The following CLVS1 variants were observed in gnomAD, a reference collection of about 807,000 sequenced individuals.
CLVS1 encodes the protein clavesin 1, also known as clavesin-1.
A neutral mutation model predicts 33.1 loss-of-function variants in CLVS1; 10 were observed. That is an observed-to-expected ratio of 0.30 (90% CI 0.19 to 0.51). CLVS1 has a LOEUF of 0.51. CLVS1 is among the 20% of genes least tolerant of loss of function. The pLI is 0.97. For missense variants in CLVS1, 343 were observed against 433.4 expected (o/e 0.79, Z 1.85); for synonymous variants, 163 against 166.1 (o/e 0.98, Z 0.14).
At chr8:61,340,385 T>C (rs1811989613) in intron 2 of CLVS1, among the ~76,000 whole-genome samples, 1 of 152,222 alleles carries the variant, frequency 6.6e-6, no homozygotes, top group South Asian at 2.1e-4. Flanking sequence ...TTCTACTGTC[T>C]ACTTCTGTGA....
At chr8:61,226,980 G>GTTTTTTTT (rs55718731) in intron 2 of CLVS1, among the ~76,000 whole-genome samples, 16 of 132,308 alleles carry the variant, frequency 1.2e-4, no homozygotes, top group African/African-American at 1.2e-4. Context: ...ACGAAAACAT[G>GTTTTTTTT]TTTTTTTTTT....
At chr8:61,376,069 A>C (rs1667039137) in intron 2 of CLVS1, among the ~76,000 whole-genome samples, 1 of 152,256 alleles carries the variant, frequency 6.6e-6, no homozygotes, top group African/African-American at 2.4e-5. Flanking sequence ...CCAAGAGTTG[A>C]AGCTAAAAAA....
At chr8:61,025,101 G>A in the CLVS1 span, among the ~76,000 whole-genome samples, 34 of 152,092 alleles carry the variant, frequency 2.2e-4, no homozygotes, top group East Asian at 6.6e-3. Context: ...CTCCTGCCTC[G>A]GCCTCCAAGT....
intron 5 of CLVS1, among the ~76,000 whole-genome samples, chr8:61,493,387 T>G (rs552420037): frequency 6.6e-6 from 1 of 152,286 alleles, no homozygotes; most frequent in South Asian, 2.1e-4. Flanking sequence ...TAGAGAAGAA[T>G]AATAAGAGCT....
intron 2 of CLVS1, chr8:61,131,913 G>A (rs1806106462): frequency 6.6e-6 from 1 of 152,220 alleles, no homozygotes; most frequent in African/African-American, 2.4e-5. Flanking sequence ...TCAGTGCTCG[G>A]GGATTTCCTG....
At chr8:61,262,042 G>C (rs1239782102) in intron 2 of CLVS1, among the ~76,000 whole-genome samples, 3 of 150,746 alleles carry the variant, frequency 2.0e-5, no homozygotes, top group Admixed American at 2.0e-4. Flanking sequence ...TGGAGACAGG[G>C]TCTTCTTCTG....
chr8:61,293,924 A>G (rs189069755), intron 1 of CLVS1, among the ~76,000 whole-genome samples: 3 of 152,306 alleles, frequency 2.0e-5, no homozygotes, highest in Non-Finnish European at 2.9e-5. Flanking sequence ...GTGTACTTAA[A>G]AACTGTTCTT....
intron 3 of CLVS1, among the ~76,000 whole-genome samples, chr8:61,393,047 C>T (rs1288223210): frequency 6.6e-6 from 1 of 151,810 alleles, no homozygotes; most frequent in Admixed American, 6.6e-5. Flanking sequence ...CCACGCCCAG[C>T]TAATTTTGTA....
the CLVS1 span, among the ~76,000 whole-genome samples, chr8:61,003,683 C>T: frequency 2.6e-5 from 4 of 152,292 alleles, no homozygotes; most frequent in East Asian, 7.7e-4. Context: ...GGCATTCTGA[C>T]CAAACATTAT....
At chr8:61,157,487 T>C (rs184181456) in intron 2 of CLVS1, among the ~76,000 whole-genome samples, 2 of 152,166 alleles carry the variant, frequency 1.3e-5, no homozygotes, top group African/African-American at 4.8e-5. Context: ...TAACCCTATA[T>C]ATCTGTACAA....
At chr8:61,237,640 C>A (rs1808596333) in intron 2 of CLVS1, among the ~76,000 whole-genome samples, 1 of 152,054 alleles carries the variant, frequency 6.6e-6, no homozygotes. Flanking sequence ...AATTCTAGGA[C>A]CTTGGGATAG....
At chr8:61,409,211 G>A (rs1387080431) in intron 3 of CLVS1, among the ~76,000 whole-genome samples, 2 of 152,102 alleles carry the variant, frequency 1.3e-5, no homozygotes, top group Non-Finnish European at 2.9e-5. Context: ...AAATCAAAAT[G>A]ATATAAAGAG....
chr8:61,259,959 A>T (rs1253617330), intron 2 of CLVS1, among the ~76,000 whole-genome samples: 1 of 152,158 alleles, frequency 6.6e-6, no homozygotes, highest in Admixed American at 6.5e-5. Flanking sequence ...GTCACGTGGC[A>T]TAGCCCTGCA....
intron 3 of CLVS1, among the ~76,000 whole-genome samples, chr8:61,418,953 T>G (rs1815547366): frequency 6.6e-6 from 1 of 151,804 alleles, no homozygotes; most frequent in South Asian, 2.1e-4. Context: ...AGGAACACAT[T>G]GTCCATGTTT....
chr8:60,975,442 C>T, the CLVS1 span, among the ~76,000 whole-genome samples: 1 of 152,002 alleles, frequency 6.6e-6, no homozygotes, highest in South Asian at 2.1e-4. Context: ...GACTGATATC[C>T]CTATCAGTCA....
the CLVS1 span, among the ~76,000 whole-genome samples, chr8:61,002,715 C>G: frequency 3.3e-4 from 50 of 152,328 alleles, no homozygotes; most frequent in African/African-American, 1.1e-3. Context: ...TACTTACCAT[C>G]TGCAATAAAG....
chr8:61,305,014 C>G (rs1464881244), intron 2 of CLVS1, among the ~76,000 whole-genome samples: 2 of 152,072 alleles, frequency 1.3e-5, no homozygotes, highest in Admixed American at 6.6e-5. Flanking sequence ...CCTGGCTCCT[C>G]CTAACCTGCC....
At chr8:61,493,280 G>C (rs1186593263) in intron 5 of CLVS1, among the ~76,000 whole-genome samples, 1 of 152,042 alleles carries the variant, frequency 6.6e-6, no homozygotes, top group Non-Finnish European at 1.5e-5. Flanking sequence ...TCTTTTAGTG[G>C]TGCCATGGAA....
chr8:61,363,958 T>A (rs1421612515), intron 2 of CLVS1, among the ~76,000 whole-genome samples: 5 of 152,124 alleles, frequency 3.3e-5, no homozygotes, highest in Non-Finnish European at 7.4e-5. Context: ...CACATCTCTA[T>A]CCTGACACAT....
Sources: gnomAD v4.1 joint callset for allele counts (sites outside exome capture counted in the v4.1 genomes callset) on GRCh38, gnomAD v4.1.1 for gene constraint, MANE v1.5 for transcripts, NCBI Gene and HGNC (gene_info 2026-07-23, HGNC 2026-07-21) for gene names.